Variants in DNMBP observed in about 807,000 individuals in gnomAD.
DNMBP encodes the protein dynamin-binding protein.
DNMBP carries 87 observed loss-of-function variants against 150.0 expected under a neutral mutation model. The ratio of observed to expected loss-of-function variants is 0.58; its 90% CI spans 0.49 to 0.69. DNMBP has a LOEUF of 0.69. Ranked by LOEUF, DNMBP falls within the 30% of genes least tolerant of loss-of-function variation. DNMBP has a pLI of 0.00. For synonymous variants in DNMBP, 711 were observed against 750.4 expected, an observed-to-expected ratio of 0.95 and a Z score of 0.86; for missense variants, 1,774 against 1,949.0, an observed-to-expected ratio of 0.91 and a Z score of 1.69.
intron 11 of DNMBP, among the ~76,000 whole-genome samples, chr10:99,890,640 G>T (rs923426193): frequency 2.0e-5 from 3 of 152,102 alleles, no homozygotes; most frequent in Non-Finnish European, 4.4e-5. Flanking sequence ...CTCAGTAGCT[G>T]CCCCAATTGT....
At chr10:100,001,852 A>G (rs2041017164) in intron 1 of DNMBP, among the ~76,000 whole-genome samples, 1 of 152,198 alleles carries the variant, frequency 6.6e-6, no homozygotes, top group Admixed American at 6.5e-5. Flanking sequence ...AGAGACCTCA[A>G]AAGTACTTCT....
intron 1 of DNMBP, among the ~76,000 whole-genome samples, chr10:99,984,004 A>G (rs1462278192): frequency 6.6e-6 from 1 of 152,230 alleles, no homozygotes; most frequent in African/African-American, 2.4e-5. Flanking sequence ...TACGAAAGAC[A>G]GAATTTAAAA....
intron 1 of DNMBP, among the ~76,000 whole-genome samples, chr10:100,001,941 G>A (rs952757939): frequency 1.3e-5 from 2 of 152,114 alleles, no homozygotes; most frequent in African/African-American, 4.8e-5. Context: ...AATGACTCTG[G>A]GCTGTTTGTG....
chr10:99,894,160 T>A (rs1016586852), intron 11 of DNMBP, among the ~76,000 whole-genome samples: 3 of 152,062 alleles, frequency 2.0e-5, no homozygotes, highest in Non-Finnish European at 4.4e-5. Flanking sequence ...GCACCTGTGG[T>A]CCCAGCCACT....
chr10:99,937,330 AT>A (rs529213479), intron 4 of DNMBP, among the ~76,000 whole-genome samples: 3 of 152,300 alleles, frequency 2.0e-5, no homozygotes, highest in Admixed American at 2.0e-4. Context: ...AGTGTGTACT[AT>A]GGGCTACGAT....
intron 10 of DNMBP, 39 bp from the exon 11 acceptor site, chr10:99,895,089 C>T (rs1459849590): frequency 8.5e-7 from 1 of 1,177,648 alleles, no homozygotes; most frequent in Non-Finnish European, 1.2e-6. Context: ...CAAATCTGGA[C>T]ACTCCTTTAA....
At position 99,957,189 on chromosome 10, in the gene DNMBP, G is replaced by A. The variant is rs566667971; in HGVS notation, c.285C>T (p.Leu95=). The part of the protein sequence containing the change: ...LPLHRGDLVI[L]DGIPTAGWLQ... ...GCCAGCCTGCAGTGGGAATGCCATC[G>A]AGAATCACCAGGTCACCTAAAGAAA... Residue 95 remains leucine (L), a synonymous_variant, in exon 4 of 17, where the codon CTC becomes CTT. Coordinates refer to ENST00000324109, the MANE Select transcript of DNMBP (RefSeq NM_015221.4). 1.6e-4 allele frequency: 256 copies of A among 1,603,072 alleles called. No homozygotes were observed. The highest frequency in any genetic ancestry group is 2.0e-4 in the Non-Finnish European group (236 of 1,179,390).
chr10:99,984,124 T>A (rs1018224414), intron 1 of DNMBP, among the ~76,000 whole-genome samples: 13 of 152,308 alleles, frequency 8.5e-5, no homozygotes, highest in East Asian at 3.9e-4. Flanking sequence ...GCTCTTTTTT[T>A]AAAAAATTAC....
At chr10:99,925,695 GTGAGCCAC>G (rs2040071407) in intron 4 of DNMBP, among the ~76,000 whole-genome samples, 1 of 152,118 alleles carries the variant, frequency 6.6e-6, no homozygotes, top group African/African-American at 2.4e-5. Flanking sequence ...TATTTCAGGC[GTGAGCCAC>G]TGTGCCTGGC....
At chr10:99,933,498 C>A (rs1477827460) in intron 4 of DNMBP, among the ~76,000 whole-genome samples, 1 of 146,676 alleles carries the variant, frequency 6.8e-6, no homozygotes, top group Non-Finnish European at 1.5e-5. Context: ...GGAAAACAAG[C>A]TTTATTATAT....
At position 100,006,749 on chromosome 10, in the gene DNMBP, T is replaced by C. The variant is rs1034159325; in HGVS notation, c.-11+3089A>G. ...GCCACCCCTAACATGCCAAGCATGCTCCTGCACCAGGGTTTGGAACATGCT... is the reference window on the plus strand; with the variant it reads ...GCCACCCCTAACATGCCAAGCATGCCCCTGCACCAGGGTTTGGAACATGCT... On this transcript the variant is annotated intron_variant, in intron 1 of 16. Coordinates refer to ENST00000324109, the MANE Select transcript of DNMBP (RefSeq NM_015221.4). Among the ~76,000 whole-genome samples, 3 of 147,238 alleles carry C rather than the reference T, an allele frequency of 2.0e-5. No individual in the cohort carries two copies. In the East Asian group the frequency reaches 6.0e-4, roughly 29 times the overall value.
intron 10 of DNMBP, 111 bp downstream of exon 10, chr10:99,896,156 C>G (rs1009138656): frequency 2.3e-6 from 3 of 1,280,984 alleles, no homozygotes; most frequent in Non-Finnish European, 3.2e-6. Flanking sequence ...CTCGTAAAAC[C>G]GGAGGACGTC....
At chr10:99,995,329 A>T (rs2040939625) in intron 1 of DNMBP, among the ~76,000 whole-genome samples, 1 of 152,114 alleles carries the variant, frequency 6.6e-6, no homozygotes, top group South Asian at 2.1e-4. Flanking sequence ...GATTACAGGC[A>T]TGATCACGGC....
chr10:99,964,184 C>T (rs2040594168), intron 3 of DNMBP, among the ~76,000 whole-genome samples: 1 of 143,434 alleles, frequency 7.0e-6, no homozygotes, highest in Non-Finnish European at 1.5e-5. Flanking sequence ...GCTCTGTCGC[C>T]CAGGCTGCAG....
intron 16 of DNMBP, among the ~76,000 whole-genome samples, chr10:99,879,562 T>C (rs2039330924): frequency 6.6e-6 from 1 of 152,174 alleles, no homozygotes; most frequent in African/African-American, 2.4e-5. Context: ...AATGAAGTTG[T>C]CATTATAGCA....
In DNMBP at chr10:99,972,088, A is replaced by G; in HGVS notation, c.37T>C (p.Phe13Leu). 1.9e-6 allele frequency: 3 copies of G among 1,613,980 alleles called. No individual in the cohort carries two copies. Among genetic ancestry groups the G allele is most frequent in the Non-Finnish European group, 2.5e-6 (3 of 1,179,980 alleles). ...AGTTCTTCTGATACGCTAGGGCAGA[A>G]GTCAAAAATGGCTCGAACCACTGAG... The part of the protein sequence containing the change: ...AGSVVRAIFD[F>L]CPSVSEELPL... Residue 13 changes from phenylalanine (F) to leucine (L), a missense_variant, in exon 2 of 17, where the codon TTC becomes CTC. By Grantham distance (22) the Phe-to-Leu change is conservative (BLOSUM62 0). Transcript: ENST00000324109.
At chr10:99,913,513 A>G (rs1218343062) in intron 4 of DNMBP, among the ~76,000 whole-genome samples, 1 of 152,226 alleles carries the variant, frequency 6.6e-6, no homozygotes, top group Non-Finnish European at 1.5e-5. Flanking sequence ...TAAAATGTGC[A>G]GACGAGCTCT....
rs199965546 is a variant in DNMBP at position 99,955,942 on chromosome 10, G to A, written c.1532C>T (p.Thr511Met). The change falls in exon 4 of 17, where the codon ACG becomes ATG. Residue 511 changes from threonine (T) to methionine (M), a missense_variant. By Grantham distance (81) the Thr-to-Met change is moderately conservative. Transcript: ENST00000324109. ...NLASYTKKHH[T>M]SSVYSISERL... ...CTCTGAGATGGAGTAAACACTGGAC[G>A]TGTGGTGCTTTTTAGTATAACTTGC... 30 of 1,614,194 alleles carry A rather than the reference G, an allele frequency of 1.9e-5. No individual in the cohort carries two copies. Among genetic ancestry groups the A allele is most frequent in the East Asian group, 4.5e-5 (2 of 44,872 alleles).
intron 1 of DNMBP, among the ~76,000 whole-genome samples, chr10:100,003,856 A>G (rs905144055): frequency 6.6e-6 from 1 of 151,874 alleles, no homozygotes; most frequent in Non-Finnish European, 1.5e-5. Flanking sequence ...CACATAAAAA[A>G]TAAATAAATA....
Sources: allele counts gnomAD v4.1 joint callset (sites outside exome capture counted in the v4.1 genomes callset), GRCh38; gene constraint gnomAD v4.1.1; transcripts MANE v1.5; gene names NCBI Gene and HGNC (gene_info 2026-07-23, HGNC 2026-07-21).